The following ARHGAP29 variants were observed in gnomAD, a reference collection of about 807,000 sequenced individuals.
The protein encoded by ARHGAP29 is Rho GTPase activating protein 29, also known as rho GTPase-activating protein 29.
In ARHGAP29, 43 loss-of-function variants were observed where a neutral mutation model predicts 122.6. The ratio of observed to expected loss-of-function variants is 0.35; its 90% CI spans 0.27 to 0.45. The LOEUF (loss-of-function observed/expected upper bound fraction) is 0.45. Among genes scored for constraint, ARHGAP29 ranks in the 20% least tolerant of loss-of-function variants. ARHGAP29 has a pLI of 1.00. For synonymous variants in ARHGAP29, 506 were observed against 497.1 expected, an observed-to-expected ratio of 1.02 and a Z score of -0.24; for missense variants, 1,303 against 1,477.2, an observed-to-expected ratio of 0.88 and a Z score of 1.93.
intron 1 of ARHGAP29, among the ~76,000 whole-genome samples, chr1:94,269,594 CAAT>C (rs751796581): frequency 2.0e-4 from 30 of 151,790 alleles, no homozygotes; most frequent in Non-Finnish European, 3.8e-4. Context: ...ATTTTAATAA[CAAT>C]GATGGTAAGG....
chr1:94,201,884 T>A (rs1650875378), intron 11 of ARHGAP29, 27 bp from the exon 12 acceptor site: 25 of 915,812 alleles, frequency 2.7e-5, no homozygotes, highest in Middle Eastern at 3.2e-4. Flanking sequence ...GAAAAAAAAA[T>A]AACACTAGAA....
At chr1:94,255,573 A>G (rs139851385) in intron 1 of ARHGAP29, among the ~76,000 whole-genome samples, 1 of 152,316 alleles carries the variant, frequency 6.6e-6, no homozygotes, top group East Asian at 1.9e-4. Flanking sequence ...CCATTATCCA[A>G]CTTGTTAAGT....
At chr1:94,178,258 A>T in intron 20 of ARHGAP29, 91 bp from the exon 21 acceptor site, 3 of 1,245,380 alleles carry the variant, frequency 2.4e-6, no homozygotes, top group Non-Finnish European at 3.3e-6. Context: ...GTGGAGGGAA[A>T]ATGAGCTGCA....
chr1:94,295,472 T>C, the ARHGAP29 span, among the ~76,000 whole-genome samples: 1 of 152,246 alleles, frequency 6.6e-6, no homozygotes, highest in Admixed American at 6.5e-5. Context: ...ACTCAGACAT[T>C]GTACAATTTA....
At chr1:94,231,312 C>G in intron 2 of ARHGAP29, 95 bp downstream of exon 2, 2 of 984,716 alleles carry the variant, frequency 2.0e-6, no homozygotes, top group Non-Finnish European at 3.1e-6. Context: ...AGCAGAATAC[C>G]CTGTTCCTAC....
chr1:94,172,094 C>G lies in ARHGAP29; in HGVS notation c.*1775G>C, dbSNP rs2101295546. ...TTAGTAATCACAGTCATTAAGAGCA[C>G]TAACCATCAAAATCTGACAGCCCTA... On this transcript the variant is annotated 3_prime_UTR_variant, in exon 23 of 23. Coordinates refer to ENST00000260526, the MANE Select transcript of ARHGAP29 (RefSeq NM_004815.4). 6.6e-6 allele frequency: 1 copy of G among 152,262 alleles called. No individual in the cohort carries two copies. The highest frequency in any genetic ancestry group is 1.9e-4 in the East Asian group (1 of 5,186). The allele number at this position is 152,262 out of a possible 1,614,324, so 9.4% of individuals were successfully genotyped here.
chr1:94,196,557 G>C (rs540201178), intron 12 of ARHGAP29, among the ~76,000 whole-genome samples: 6 of 151,952 alleles, frequency 3.9e-5, no homozygotes, highest in Non-Finnish European at 8.8e-5. Context: ...CACCGCGCCC[G>C]GCCCCTGTTT....
the ARHGAP29 span, among the ~76,000 whole-genome samples, chr1:94,299,765 G>C: frequency 6.6e-6 from 1 of 152,116 alleles, no homozygotes; most frequent in Admixed American, 6.5e-5. Flanking sequence ...GGGAGGAAGG[G>C]GAGGGGGTAA....
chr1:94,190,264 A>G, intron 12 of ARHGAP29, 181 bp from the exon 13 acceptor site: 1 of 559,820 alleles, frequency 1.8e-6, no homozygotes, highest in Non-Finnish European at 2.9e-6. Flanking sequence ...GGAGAAAAGC[A>G]GTTTGAATCT....
chr1:94,288,851 G>A, the ARHGAP29 span, among the ~76,000 whole-genome samples: 1 of 152,092 alleles, frequency 6.6e-6, no homozygotes, highest in African/African-American at 2.4e-5. Flanking sequence ...TGTTCCATTG[G>A]TCTATATCTC....
chr1:94,196,811 GA>G (rs1412048359), intron 12 of ARHGAP29, among the ~76,000 whole-genome samples: 1 of 151,996 alleles, frequency 6.6e-6, no homozygotes, highest in Non-Finnish European at 1.5e-5. Context: ...AGTCTCAAGG[GA>G]AATTAGAAAA....
chr1:94,196,648 A>T (rs1303606966), intron 12 of ARHGAP29, among the ~76,000 whole-genome samples: 1 of 152,114 alleles, frequency 6.6e-6, no homozygotes, highest in African/African-American at 2.4e-5. Context: ...AATAAACTAC[A>T]TAACAAATTT....
At chr1:94,244,992 T>C (rs1359538479) in intron 1 of ARHGAP29, among the ~76,000 whole-genome samples, 1 of 152,130 alleles carries the variant, frequency 6.6e-6, no homozygotes, top group Non-Finnish European at 1.5e-5. Context: ...GCACATGAAA[T>C]ATTGCTCAAT....
chr1:94,220,147 A>T, intron 3 of ARHGAP29, 111 bp downstream of exon 3: 1 of 1,187,956 alleles, frequency 8.4e-7, no homozygotes, highest in Non-Finnish European at 1.2e-6. Context: ...TTATTAACAT[A>T]CATCACACAA....
intron 1 of ARHGAP29, among the ~76,000 whole-genome samples, chr1:94,257,468 G>A (rs968401456): frequency 2.0e-5 from 3 of 152,172 alleles, no homozygotes; most frequent in African/African-American, 4.8e-5. Context: ...AGCACTTTGG[G>A]AGGCTAAAAT....
chr1:94,197,449 A>G (rs910574175), intron 12 of ARHGAP29, among the ~76,000 whole-genome samples: 4 of 152,240 alleles, frequency 2.6e-5, no homozygotes, highest in Non-Finnish European at 5.9e-5. Flanking sequence ...AAGAAGAAAT[A>G]ACACAAATTT....
chr1:94,269,744 T>G (rs183574861), intron 1 of ARHGAP29, among the ~76,000 whole-genome samples: 8 of 152,172 alleles, frequency 5.3e-5, no homozygotes, highest in African/African-American at 1.9e-4. Flanking sequence ...GCTGGGGGTA[T>G]AGTAGGGACT....
chr1:94,208,889 A>G lies in ARHGAP29; in HGVS notation c.453T>C (p.Leu151=). The change falls in exon 5 of 23, where the codon CTT becomes CTC. Residue 151 remains leucine, a synonymous_variant. Coordinates refer to ENST00000260526, the MANE Select transcript of ARHGAP29 (RefSeq NM_004815.4). The part of the protein sequence containing the change: ...FTFGNILTNF[L]MGDVGNDSLL... ...ATGAATCATTGCCTACATCTCCCAT[A>G]AGGAAGTTTGTAAGGCTATCCAAGG... The G allele has an allele frequency of 1.2e-6, 2 of 1,613,960 alleles. No individual in the cohort carries two copies. The highest frequency in any genetic ancestry group is 1.7e-6 in the Non-Finnish European group (2 of 1,179,878).
chr1:94,290,500 T>G, the ARHGAP29 span, among the ~76,000 whole-genome samples: 1 of 152,242 alleles, frequency 6.6e-6, no homozygotes, highest in Admixed American at 6.5e-5. Flanking sequence ...TTCTAGTTCT[T>G]TTAATTGTGA....
Sources: gnomAD v4.1 joint callset for allele counts (sites outside exome capture counted in the v4.1 genomes callset) on GRCh38, gnomAD v4.1.1 for gene constraint, MANE v1.5 for transcripts, NCBI Gene and HGNC (gene_info 2026-07-23, HGNC 2026-07-21) for gene names.